STAC: variants seen among roughly 807,000 people sequenced by gnomAD.
STAC encodes the protein SH3 and cysteine rich domain.
In STAC, 43 loss-of-function variants were observed where a neutral mutation model predicts 48.8. That is an observed-to-expected ratio of 0.88 (90% CI 0.69 to 1.14). STAC has a LOEUF of 1.14. Among genes scored for constraint, STAC ranks in the 50% most tolerant of loss-of-function variants. STAC has a pLI of 0.00. For synonymous variants in STAC, 193 were observed against 179.5 expected (o/e 1.07, Z -0.60); for missense variants, 497 against 504.0 (o/e 0.99, Z 0.13).
intron 1 of STAC, among the ~76,000 whole-genome samples, chr3:36,411,331 T>C (rs1700190486): frequency 6.6e-6 from 1 of 152,226 alleles, no homozygotes; most frequent in African/African-American, 2.4e-5. Flanking sequence ...AATGATGTTC[T>C]ATAACACTGA....
chr3:36,492,041 T>TATATATATATATATATAG (rs1697998695), intron 5 of STAC, among the ~76,000 whole-genome samples: 1 of 39,314 alleles, frequency 2.5e-5, no homozygotes, highest in Non-Finnish European at 4.9e-5. Context: ...AATATATATA[T>TATATATATATATATATAG]ATATATATAT....
intron 1 of STAC, among the ~76,000 whole-genome samples, chr3:36,385,722 T>A (rs1266750064): frequency 6.6e-6 from 1 of 152,130 alleles, no homozygotes; most frequent in African/African-American, 2.4e-5. Flanking sequence ...AATTATTTGC[T>A]CATTTCTGAA....
chr3:36,536,327 G>T (rs961583205), intron 10 of STAC, among the ~76,000 whole-genome samples: 2 of 152,054 alleles, frequency 1.3e-5, no homozygotes, highest in Non-Finnish European at 2.9e-5. Context: ...GAGGCATCCC[G>T]CTACCTGGCT....
At chr3:36,523,574 A>T (rs1392421225) in intron 8 of STAC, among the ~76,000 whole-genome samples, 2 of 152,230 alleles carry the variant, frequency 1.3e-5, no homozygotes, top group Non-Finnish European at 2.9e-5. Flanking sequence ...GTAATGTATC[A>T]AGAACATAAA....
intron 1 of STAC, among the ~76,000 whole-genome samples, chr3:36,391,694 G>A (rs76699580): frequency 0.17 from 25,600 of 152,236 alleles, 2,691 homozygotes; most frequent in Middle Eastern, 0.22. Context: ...GATCCTGAGC[G>A]GGGCGGGCTA....
intron 10 of STAC, among the ~76,000 whole-genome samples, chr3:36,534,221 G>T (rs1378635017): frequency 1.3e-5 from 2 of 152,128 alleles, no homozygotes; most frequent in Non-Finnish European, 2.9e-5. Flanking sequence ...CTTCTCATCA[G>T]CATAGTAGCA....
At chr3:36,530,497 T>C (rs1699035772) in intron 10 of STAC, among the ~76,000 whole-genome samples, 1 of 152,106 alleles carries the variant, frequency 6.6e-6, no homozygotes, top group African/African-American at 2.4e-5. Flanking sequence ...AATCAACCAT[T>C]GTATAGTCCA....
intron 6 of STAC, among the ~76,000 whole-genome samples, chr3:36,501,661 T>C (rs1698287011): frequency 6.6e-6 from 1 of 152,218 alleles, no homozygotes; most frequent in Admixed American, 6.5e-5. Context: ...TTTTAAATTT[T>C]GCACAATGAC....
intron 2 of STAC, among the ~76,000 whole-genome samples, chr3:36,449,052 G>A (rs917193250): frequency 1.3e-5 from 2 of 152,008 alleles, no homozygotes; most frequent in African/African-American, 4.8e-5. Context: ...CCAGGAGTTC[G>A]AGGCTACGAT....
chr3:36,389,516 C>T (rs1267732258), intron 1 of STAC, among the ~76,000 whole-genome samples: 2 of 152,114 alleles, frequency 1.3e-5, no homozygotes, highest in African/African-American at 2.4e-5. Context: ...GGAACACAAA[C>T]ATTAAGAACA....
At chr3:36,501,782 G>A (rs951197321) in intron 6 of STAC, among the ~76,000 whole-genome samples, 1 of 152,178 alleles carries the variant, frequency 6.6e-6, no homozygotes. Context: ...CAAGGAGGAA[G>A]GACAGCAGCA....
At chr3:36,398,454 AGGAAGGAAGGAAGGAAGGAAGGAG>A (rs1559477174) in intron 1 of STAC, among the ~76,000 whole-genome samples, 1 of 97,554 alleles carries the variant, frequency 1.0e-5, no homozygotes. Context: ...GAAGGAAGGA[AGGAAGGAAGGAAGGAAGGAAGGAG>A]GGAAGGAAGA....
intron 2 of STAC, among the ~76,000 whole-genome samples, chr3:36,456,495 G>A (rs1167937630): frequency 6.6e-6 from 1 of 152,122 alleles, no homozygotes; most frequent in African/African-American, 2.4e-5. Context: ...AAGGCACTTT[G>A]CTTCTTCCCT....
At chr3:36,421,263 G>A (rs563614508) in intron 1 of STAC, among the ~76,000 whole-genome samples, 10 of 152,176 alleles carry the variant, frequency 6.6e-5, no homozygotes, top group African/African-American at 2.4e-4. Context: ...TACAAGACAT[G>A]CCTCCATATG....
chr3:36,413,178 A>G (rs904284509), intron 1 of STAC, among the ~76,000 whole-genome samples: 6 of 152,166 alleles, frequency 3.9e-5, no homozygotes, highest in African/African-American at 1.4e-4. Context: ...GGTTCTATAG[A>G]TGTCTATTAG....
In STAC at chr3:36,382,314, G is replaced by C. The variant is rs560086045; in HGVS notation, c.111+1560G>C. ...GAATTGGCCTGTTGCTCTGCAGTAG[G>C]CGTGTTCTGGAAAGGGCTTAGCATT... On this transcript the variant is annotated intron_variant, in intron 1 of 10. Coordinates refer to ENST00000273183, the MANE Select transcript of STAC (RefSeq NM_003149.3). 9.8e-5 allele frequency among the ~76,000 whole-genome samples: 15 copies of C among 152,286 alleles called. No homozygotes were observed. In the South Asian group the frequency reaches 2.9e-3, roughly 30 times the overall value.
At chr3:36,415,581 C>T (rs113514937) in intron 1 of STAC, among the ~76,000 whole-genome samples, 2 of 152,308 alleles carry the variant, frequency 1.3e-5, no homozygotes, top group African/African-American at 4.8e-5. Flanking sequence ...AATTCCCTGA[C>T]CCCCTGCTTC....
intron 6 of STAC, among the ~76,000 whole-genome samples, chr3:36,496,790 T>A (rs1698162298): frequency 6.6e-6 from 1 of 152,180 alleles, no homozygotes; most frequent in South Asian, 2.1e-4. Context: ...TGAAGTAAAA[T>A]CTGGCCTGCC....
intron 1 of STAC, among the ~76,000 whole-genome samples, chr3:36,381,070 T>A (rs528135735): frequency 8.6e-4 from 130 of 151,974 alleles, no homozygotes; most frequent in Non-Finnish European, 1.6e-3. Flanking sequence ...CACGTGTAGG[T>A]AGGTATTAGG....
Sources: allele counts gnomAD v4.1 joint callset (sites outside exome capture counted in the v4.1 genomes callset), GRCh38; gene constraint gnomAD v4.1.1; transcripts MANE v1.5; gene names NCBI Gene and HGNC (gene_info 2026-07-23, HGNC 2026-07-21).